Variants in SNX29 observed in about 807,000 individuals in gnomAD.
SNX29 encodes sorting nexin-29.
SNX29 carries 78 observed loss-of-function variants against 102.1 expected under a neutral mutation model. The observed-to-expected ratio is 0.76, with a 90% CI of 0.64 to 0.92. SNX29 has a LOEUF of 0.92. SNX29 is among the 40% of genes least tolerant of loss of function. The probability of loss-of-function intolerance (pLI) is 0.00; values close to 1 mark genes in which losing one functional copy is unlikely to be tolerated. For synonymous variants in SNX29, 580 were observed against 414.5 expected, an observed-to-expected ratio of 1.40 and a Z score of -4.85; for missense variants, 1,280 against 1,061.7, an observed-to-expected ratio of 1.21 and a Z score of -2.86.
At chr16:12,366,245 C>G (rs987536270) in intron 16 of SNX29, among the ~76,000 whole-genome samples, 2 of 152,040 alleles carry the variant, frequency 1.3e-5, no homozygotes, top group East Asian at 3.9e-4. Context: ...CCGTGCTTCT[C>G]CAAAGGGATG....
chr16:12,345,525 T>G (rs1326316458), intron 15 of SNX29, among the ~76,000 whole-genome samples: 1 of 152,228 alleles, frequency 6.6e-6, no homozygotes, highest in East Asian at 1.9e-4. Flanking sequence ...GAGCACTTCC[T>G]TTTATTGCAT....
intron 20 of SNX29, chr16:12,557,268 A>C (rs563797889): frequency 2.0e-5 from 3 of 152,350 alleles, no homozygotes; most frequent in Non-Finnish European, 4.4e-5. Flanking sequence ...ATAAGTGGGG[A>C]GTGCAGGCAG....
intron 20 of SNX29, among the ~76,000 whole-genome samples, chr16:12,536,857 T>C (rs1257217202): frequency 1.3e-5 from 2 of 152,108 alleles, no homozygotes; most frequent in African/African-American, 2.4e-5. Context: ...ACACCTGTAA[T>C]TGTAGCTACT....
chr16:12,340,986 G>T (rs929075616), intron 15 of SNX29, among the ~76,000 whole-genome samples: 5 of 152,130 alleles, frequency 3.3e-5, no homozygotes, highest in East Asian at 1.9e-4. Context: ...TCTCTTCTAA[G>T]CCCCTATTTC....
At chr16:12,506,246 C>A (rs2089372875) in intron 19 of SNX29, among the ~76,000 whole-genome samples, 1 of 152,180 alleles carries the variant, frequency 6.6e-6, no homozygotes, top group South Asian at 2.1e-4. Context: ...CAGGCGTGAG[C>A]CACCAGCGCC....
At chr16:12,490,312 T>G (rs2088481621) in intron 19 of SNX29, among the ~76,000 whole-genome samples, 1 of 152,256 alleles carries the variant, frequency 6.6e-6, no homozygotes, top group South Asian at 2.1e-4. Flanking sequence ...TGTACTCCTT[T>G]GTATCTGGCT....
At chr16:12,567,028 C>A (rs1027246136) in intron 20 of SNX29, among the ~76,000 whole-genome samples, 2 of 152,248 alleles carry the variant, frequency 1.3e-5, no homozygotes, top group African/African-American at 4.8e-5. Flanking sequence ...TGAAGAGATT[C>A]ACTCCTGAGA....
chr16:12,003,449 G>T (rs1430850371), intron 3 of SNX29, among the ~76,000 whole-genome samples: 2 of 152,178 alleles, frequency 1.3e-5, no homozygotes, highest in African/African-American at 2.4e-5. Context: ...TGATGTTTAT[G>T]TAGAATTTGT....
At chr16:12,064,991 A>C (rs9806955) in intron 9 of SNX29, among the ~76,000 whole-genome samples, 54,470 of 152,138 alleles carry the variant, frequency 0.36, 9,966 homozygotes, top group African/African-American at 0.44. Context: ...GCAGTCACTG[A>C]CAGTGGGGAT....
At chr16:12,514,587 A>T (rs2089778713) in intron 19 of SNX29, among the ~76,000 whole-genome samples, 1 of 152,060 alleles carries the variant, frequency 6.6e-6, no homozygotes, top group Non-Finnish European at 1.5e-5. Flanking sequence ...TCTCTTGGCC[A>T]GACATGGTGG....
chr16:12,185,760 AC>A (rs2076495062), intron 13 of SNX29, among the ~76,000 whole-genome samples: 1 of 152,124 alleles, frequency 6.6e-6, no homozygotes, highest in South Asian at 2.1e-4. Context: ...GGGACATCTC[AC>A]CCTCCAGCTG....
At chr16:12,218,229 T>C (rs962875521) in intron 14 of SNX29, among the ~76,000 whole-genome samples, 1 of 152,246 alleles carries the variant, frequency 6.6e-6, no homozygotes, top group African/African-American at 2.4e-5. Context: ...ATATGCCCTT[T>C]ATAACAAGTC....
chr16:12,032,648 C>G (rs1265339638), intron 4 of SNX29, among the ~76,000 whole-genome samples: 1 of 151,976 alleles, frequency 6.6e-6, no homozygotes, highest in African/African-American at 2.4e-5. Context: ...GATACAAATA[C>G]TTGTTTTTTC....
intron 11 of SNX29, among the ~76,000 whole-genome samples, chr16:12,122,496 G>A (rs1173055408): frequency 2.6e-5 from 4 of 152,082 alleles, no homozygotes; most frequent in Admixed American, 6.6e-5. Context: ...CCAAGCAGAA[G>A]CTTGAAGGAC....
chr16:12,536,900 C>G (rs900713964), intron 20 of SNX29, among the ~76,000 whole-genome samples: 5 of 152,156 alleles, frequency 3.3e-5, no homozygotes, highest in African/African-American at 1.2e-4. Context: ...CGCTTGAGCC[C>G]GGGAGGTGGA....
At chr16:11,984,869 G>A (rs763870580) in intron 1 of SNX29, among the ~76,000 whole-genome samples, 7 of 152,174 alleles carry the variant, frequency 4.6e-5, no homozygotes, top group Middle Eastern at 3.4e-3. Context: ...TGCCCGAGCT[G>A]GTCTTGAACT....
Position 12,114,241 on chromosome 16 carries a change from C to T in SNX29, c.1403-12392C>T, listed in dbSNP as rs370138937. 2.2e-3 allele frequency among the ~76,000 whole-genome samples: 337 copies of T among 152,322 alleles called. 5 individuals carry two copies. The highest frequency in any genetic ancestry group is 4.0e-3 in the Non-Finnish European group (270 of 68,026). On this transcript the variant is annotated intron_variant, in intron 11 of 20. Coordinates refer to ENST00000566228, the MANE Select transcript of SNX29 (RefSeq NM_032167.5). The stretch of plus-strand genomic sequence containing the variant: ...AATAATATCGTTCCCCTAACTCCAG[C>T]ATCCAGAGGTACAGCTGCAAGTAGG...
At chr16:12,314,953 T>C (rs892582338) in intron 15 of SNX29, among the ~76,000 whole-genome samples, 2 of 152,254 alleles carry the variant, frequency 1.3e-5, no homozygotes, top group Non-Finnish European at 2.9e-5. Context: ...TTCTGAATTA[T>C]TAATGGATGT....
At chr16:12,092,116 C>T (rs115009739) in intron 11 of SNX29, among the ~76,000 whole-genome samples, 2,081 of 152,278 alleles carry the variant, frequency 0.014, 48 homozygotes, top group African/African-American at 0.043. Context: ...TGGCTGCTGA[C>T]TTCAGGTTTC....
Sources: allele counts gnomAD v4.1 joint callset (sites outside exome capture counted in the v4.1 genomes callset), GRCh38; gene constraint gnomAD v4.1.1; transcripts MANE v1.5; gene names NCBI Gene and HGNC (gene_info 2026-07-23, HGNC 2026-07-21).